Variants in ARID1B observed in about 807,000 individuals in gnomAD.
ARID1B encodes AT-rich interactive domain-containing protein 1B.
ARID1B carries 30 observed loss-of-function variants against 212.3 expected under a neutral mutation model. The ratio of observed to expected loss-of-function variants is 0.14; its 90% CI spans 0.11 to 0.19. The LOEUF (loss-of-function observed/expected upper bound fraction) is 0.19, where lower values mean the gene tolerates loss of function less well. Ranked by LOEUF, ARID1B falls within the 10% of genes least tolerant of loss-of-function variation. ARID1B has a pLI of 1.00. For synonymous variants in ARID1B, 1,402 were observed against 1,301.7 expected (o/e 1.08, Z -1.66); for missense variants, 2,891 against 3,204.0 (o/e 0.90, Z 2.36).
intron 2 of ARID1B, among the ~76,000 whole-genome samples, chr6:156,881,548 T>G (rs1162992337): frequency 2.0e-5 from 3 of 152,232 alleles, no homozygotes; most frequent in Non-Finnish European, 1.5e-5. Context: ...CGGTTTTGCA[T>G]CATTCCTTCT....
chr6:156,838,075 G>T (rs1487794201), intron 2 of ARID1B, among the ~76,000 whole-genome samples: 2 of 152,174 alleles, frequency 1.3e-5, no homozygotes, highest in African/African-American at 4.8e-5. Flanking sequence ...CAAAGAATGA[G>T]CCAAATTCAT....
rs199850386 is a variant in ARID1B at position 157,165,239 on chromosome 6, T to TTAAC, written c.3090-1800_3090-1799insAACT. ...TGTTCTTAATGAACTCCAAGGGGTA[T>TTAAC]TCTAATTCTGATTTAGCAGTCTGCA... On this transcript the variant is annotated intron_variant, in intron 8 of 19. Transcript: ENST00000636930. Among the ~76,000 whole-genome samples the TTAAC allele has an allele frequency of 9.3e-3, 1,417 of 152,310 alleles. 21 individuals carry two copies. The highest frequency in any genetic ancestry group is 0.032 in the African/African-American group (1,339 of 41,558).
intron 1 of ARID1B, among the ~76,000 whole-genome samples, chr6:156,824,905 C>A (rs1163866979): frequency 2.0e-5 from 3 of 151,758 alleles, no homozygotes; most frequent in Non-Finnish European, 4.4e-5. Context: ...CTCTGTCACC[C>A]AGGGTGGAGT....
In ARID1B at chr6:157,137,073, C is replaced by T. The variant is rs541032791; in HGVS notation, c.2761+3866C>T. Among the ~76,000 whole-genome samples, 10 of 151,696 alleles carry T rather than the reference C, an allele frequency of 6.6e-5. No individual in the cohort carries two copies. The South Asian group carries it at 1.5e-3, about 22-fold the overall frequency. ...GCACACACATGTAGTCCCAGCCACG[C>T]GGGAGGCTGACATCAGAGGATCACT... On this transcript the variant is annotated intron_variant, in intron 7 of 19. Coordinates refer to ENST00000636930, the MANE Select transcript of ARID1B (RefSeq NM_001374828.1).
rs771295398 is a variant in ARID1B, at chr6:157,206,705, G to C, written c.5933G>C (p.Arg1978Thr). Residue 1978 changes from arginine (R) to threonine (T), a missense_variant, in exon 20 of 20, where the codon AGA becomes ACA. This residue lies in a region of ARID1B where 332 missense variants were observed against 369.2 expected (regional missense o/e 0.90). Coordinates refer to ENST00000636930, the MANE Select transcript of ARID1B (RefSeq NM_001374828.1). This position sits in a 1 kb window ranked among gnomAD's most constrained non-coding sequence, Gnocchi z 6.8. The stretch of plus-strand genomic sequence containing the variant: ...CCTCCCCCCTTAAGCTCCGCAGGTA[G>C]AAAGAAAGAGCAAGAAGGCAAAGGC... ...RPPPPLSSAG[R>T]KKEQEGKGDS... is the part of the protein sequence containing the mutation. 1.2e-6 allele frequency: 2 copies of C among 1,612,656 alleles called. No homozygotes were observed. Among genetic ancestry groups the C allele is most frequent in the African/African-American group, 1.3e-5 (1 of 74,890 alleles).
At chr6:156,929,643 C>T (rs1229717055) in intron 3 of ARID1B, among the ~76,000 whole-genome samples, 3 of 152,194 alleles carry the variant, frequency 2.0e-5, no homozygotes, top group Admixed American at 1.3e-4. Context: ...AACTCTCTTC[C>T]TAGCATATCT....
intron 2 of ARID1B, among the ~76,000 whole-genome samples, chr6:156,879,977 G>T (rs144446620): frequency 5.9e-5 from 9 of 152,326 alleles, no homozygotes; most frequent in Middle Eastern, 3.4e-3. Context: ...AGAGGAGAAG[G>T]ACCCTTCCAG....
intron 4 of ARID1B, among the ~76,000 whole-genome samples, chr6:157,002,450 A>G (rs980779554): frequency 1.3e-5 from 2 of 152,220 alleles, no homozygotes; most frequent in Non-Finnish European, 2.9e-5. Flanking sequence ...TTCTTATACA[A>G]AGTTGACACT....
chr6:156,778,031 G>GTCCTCC lies in ARID1B; in HGVS notation c.367_372dup (p.Ser123_Ser124dup), dbSNP rs770512547. The GTCCTCC allele has an allele frequency of 1.2e-4, 189 of 1,532,506 alleles. 1 individual carries two copies. The highest frequency in any genetic ancestry group is 7.5e-4 in the South Asian group (63 of 83,776). 94.9% of individuals were successfully genotyped at this position (1,532,506 alleles called of 1,614,324 possible). ...AGGAGGGTGGAAGCGCCGCCGCGCT[G>GTCCTCC]TCCTCCTCCTCCTCCTCCTCCGCGG... On this transcript the variant is annotated inframe_insertion, in exon 1 of 20. Coordinates refer to ENST00000636930, the MANE Select transcript of ARID1B (RefSeq NM_001374828.1).
At position 157,200,911 on chromosome 6, in the gene ARID1B, G is replaced by A. The variant is rs527711444; in HGVS notation, c.4686G>A (p.Gln1562=). ...GGATGCAGGGCCCGGGGCAGATCCA[G>A]ACACACGGAATCCCGCCTCAGATGA... is the stretch of plus-strand genomic sequence containing the variant. ...RERMQGPGQI[Q]THGIPPQMMG... is the part of the protein sequence containing the mutation. The change falls in exon 18 of 20, where the codon CAG becomes CAA. Residue 1562 remains glutamine (Q), a synonymous_variant. Transcript: ENST00000636930. The surrounding 1 kb of genome is among the most constrained non-coding windows in gnomAD (Gnocchi z 4.3). The A allele has an allele frequency of 1.1e-4, 178 of 1,613,832 alleles. No individual in the cohort carries two copies. In the East Asian group the frequency reaches 3.9e-3, roughly 35 times the overall value.
intron 4 of ARID1B, among the ~76,000 whole-genome samples, chr6:157,004,342 G>T (rs1209617334): frequency 6.8e-6 from 1 of 146,452 alleles, no homozygotes; most frequent in African/African-American, 2.4e-5. Context: ...TAAATTATAT[G>T]TTTGCTAAGT....
chr6:156,801,485 C>T (rs1780784210), intron 1 of ARID1B, among the ~76,000 whole-genome samples: 1 of 152,092 alleles, frequency 6.6e-6, no homozygotes, highest in Admixed American at 6.6e-5. Flanking sequence ...AGGTGTGAGC[C>T]ACCGCACCCG....
chr6:157,162,901 A>G (rs1791038096), intron 8 of ARID1B, among the ~76,000 whole-genome samples: 3 of 151,912 alleles, frequency 2.0e-5, no homozygotes, highest in African/African-American at 7.3e-5. Context: ...ACAGCCATGG[A>G]CTCGGCATCT....
chr6:157,102,941 G>C (rs1453487945), intron 5 of ARID1B, among the ~76,000 whole-genome samples: 1 of 152,014 alleles, frequency 6.6e-6, no homozygotes, highest in Non-Finnish European at 1.5e-5. Context: ...TTTAGAACAG[G>C]GATCACAAAC....
At position 157,207,298 on chromosome 6, in the gene ARID1B, C is replaced by T. The variant is rs747638224; in HGVS notation, c.6526C>T (p.Leu2176=). ...CTGCTTGCCAATTTTGGATGGCTTG[C>T]TGCACTGGATGGTGTGCCCGTCTGC... ...SICLPILDGL[L]HWMVCPSAEA... The change falls in exon 20 of 20, where the codon CTG becomes TTG. Residue 2176 remains leucine, a synonymous_variant. Transcript: ENST00000636930. This position sits in a 1 kb window ranked among gnomAD's most constrained non-coding sequence, Gnocchi z 8.5. 1 of 1,614,092 alleles carries T rather than the reference C, an allele frequency of 6.2e-7. No individual in the cohort carries two copies. Among genetic ancestry groups the T allele is most frequent in the South Asian group, 1.1e-5 (1 of 91,088 alleles).
intron 4 of ARID1B, among the ~76,000 whole-genome samples, chr6:157,056,833 C>T (rs1782987125): frequency 6.8e-6 from 1 of 147,634 alleles, no homozygotes; most frequent in Admixed American, 6.8e-5. Context: ...AAAAACTTTT[C>T]TTAAAAAGCT....
rs1778737677 is a variant in ARID1B at position 156,777,863 on chromosome 6, C to G, written c.183C>G (p.Gly61=). 1 of 1,343,698 alleles carries G rather than the reference C, an allele frequency of 7.4e-7. No homozygotes were observed. The highest frequency in any genetic ancestry group is 9.5e-7 in the Non-Finnish European group (1 of 1,054,090). 83.2% of individuals were successfully genotyped at this position (1,343,698 alleles called of 1,614,324 possible). The part of the protein sequence containing the change: ...AAAPGPMLGG[G]GDGGGGLNSV... ...CACCGGGACCCATGCTGGGGGGCGG[C>G]GGCGACGGCGGCGGCGGCCTGAACA... Residue 61 remains glycine (G), a synonymous_variant, in exon 1 of 20, where the codon GGC becomes GGG. Coordinates refer to ENST00000636930, the MANE Select transcript of ARID1B (RefSeq NM_001374828.1).
chr6:157,083,012 G>A (rs887468860), intron 4 of ARID1B, among the ~76,000 whole-genome samples: 1 of 152,104 alleles, frequency 6.6e-6, no homozygotes, highest in Non-Finnish European at 1.5e-5. Flanking sequence ...CAGGGTACTA[G>A]GATCCTAATC....
intron 4 of ARID1B, among the ~76,000 whole-genome samples, chr6:157,066,836 G>T (rs1207681066): frequency 6.6e-6 from 1 of 152,158 alleles, no homozygotes; most frequent in Non-Finnish European, 1.5e-5. Flanking sequence ...GGAAAACACT[G>T]ATAGAGTACA....
Sources: allele counts gnomAD v4.1 joint callset (sites outside exome capture counted in the v4.1 genomes callset), GRCh38; gene constraint gnomAD v4.1.1; regional missense constraint gnomAD v4.1.1; non-coding constraint Gnocchi (gnomAD v3.1); transcripts MANE v1.5; gene names NCBI Gene and HGNC (gene_info 2026-07-23, HGNC 2026-07-21).